Variants in AMPD1 observed in about 807,000 individuals in gnomAD.
The protein encoded by AMPD1 is adenosine monophosphate deaminase 1.
Under a neutral mutation model 82.9 loss-of-function variants are expected in AMPD1, and 74 were observed. The ratio of observed to expected loss-of-function variants is 0.89; its 90% CI spans 0.74 to 1.08. The LOEUF (loss-of-function observed/expected upper bound fraction) is 1.08. Among genes scored for constraint, AMPD1 ranks in the 50% least tolerant of loss-of-function variants. The pLI is 0.00. For missense variants in AMPD1, 881 were observed against 924.5 expected, an observed-to-expected ratio of 0.95 and a Z score of 0.61; for synonymous variants, 333 against 320.5, an observed-to-expected ratio of 1.04 and a Z score of -0.42.
rs564352895 is a variant in AMPD1 at position 114,681,311 on chromosome 1, C to T, written c.548-833G>A. Among the ~76,000 whole-genome samples the T allele has an allele frequency of 2.6e-5, 4 of 151,798 alleles. No individual in the cohort carries two copies. The South Asian group carries it at 8.3e-4, about 32-fold the overall frequency. ...ATAATTGAGTAGAAAATGCCGTTTCCAGGCTGGGCACAGTGACTCACGCCT... is the reference window on the plus strand; with the variant it reads ...ATAATTGAGTAGAAAATGCCGTTTCTAGGCTGGGCACAGTGACTCACGCCT... On this transcript the variant is annotated intron_variant, in intron 5 of 15. Transcript: ENST00000520113.
In AMPD1 at chr1:114,673,903, C is replaced by G; in HGVS notation, c.1974+6G>C. The G allele has an allele frequency of 1.2e-6, 2 of 1,613,752 alleles. No homozygotes were observed. The highest frequency in any genetic ancestry group is 1.7e-6 in the Non-Finnish European group (2 of 1,179,688). On this transcript the variant is annotated splice_donor_region_variant and intron_variant, in intron 14 of 15. Transcript: ENST00000520113. Reference sequence around the variant, plus strand: ...TATGCTTGTATTGCCCAAGTCCATACTATACCTTGGTAAAGTGGAATTGCA... The same window carrying G: ...TATGCTTGTATTGCCCAAGTCCATAGTATACCTTGGTAAAGTGGAATTGCA...
In AMPD1 at chr1:114,677,814, C is replaced by A. The variant is rs1384137501; in HGVS notation, c.1224+96G>T. Reference sequence around the variant, plus strand: ...CCCTCTCTCCCTCCTTCCTTCCTTCCTTCCTTCCTTCCTTCCTTCCTTCCT... The same window carrying A: ...CCCTCTCTCCCTCCTTCCTTCCTTCATTCCTTCCTTCCTTCCTTCCTTCCT... On this transcript the variant is annotated intron_variant, in intron 9 of 15. Transcript: ENST00000520113. 1.2e-5 allele frequency: 12 copies of A among 967,762 alleles called. No individual in the cohort carries two copies. The Admixed American group carries it at 2.2e-4, about 18-fold the overall frequency. 59.9% of individuals were successfully genotyped at this position (967,762 alleles called of 1,614,324 possible). A position where few individuals can be genotyped will look rare whatever the true frequency, so the allele number is the denominator to read the frequency against.
intron 5 of AMPD1, among the ~76,000 whole-genome samples, chr1:114,681,011 G>T (rs2101717253): frequency 6.6e-6 from 1 of 152,272 alleles, no homozygotes; most frequent in African/African-American, 2.4e-5. Context: ...GTGTAAGAAT[G>T]ATTTTTCAAG....
chr1:114,693,436 G>A lies in AMPD1; in HGVS notation c.34C>T (p.Gln12Ter), dbSNP rs17602729. Residue 12 changes from glutamine (Q) to a stop codon, truncating the protein, a stop_gained and splice_region_variant, in exon 2 of 16, where the codon CAA (glutamine) becomes TAA (stop). Transcript: ENST00000520113. LOFTEE classifies it high-confidence loss of function. The part of the protein sequence containing the change: ...PLFKLPAEEK[Q>*]IDDAMRNFAE... ...GCAGCAAAAGTAATGCAATACTCAC[G>A]TTTCTCTTCAGCTGTATGAAGTAAA... The A allele has an allele frequency of 0.11, 170,616 of 1,600,304 alleles. 10,624 individuals are homozygous for A. Among genetic ancestry groups the A allele is most frequent in the Non-Finnish European group, 0.13 (146,440 of 1,167,872 alleles).
In AMPD1 at chr1:114,675,535, C is replaced by T; in HGVS notation, c.1674G>A (p.Leu558=). The change falls in exon 12 of 16, where the codon CTG becomes CTA. Residue 558 remains leucine (L), a synonymous_variant. Coordinates refer to ENST00000520113, the MANE Select transcript of AMPD1 (RefSeq NM_000036.3). ...TCCAGCTGTCTCCTACTTACTTTCT[C>T]AGGCTGTTGAGCACCATGATGTTTG... The part of the protein sequence containing the change: ...MYANIMVLNS[L]RKERGMNTFL... The T allele has an allele frequency of 6.2e-7, 1 of 1,614,130 alleles. No individual in the cohort carries two copies. The highest frequency in any genetic ancestry group is 2.2e-5 in the East Asian group (1 of 44,876).
chr1:114,681,045 A>G (rs1252575781), intron 5 of AMPD1, among the ~76,000 whole-genome samples: 2 of 152,236 alleles, frequency 1.3e-5, no homozygotes, highest in Non-Finnish European at 2.9e-5. Flanking sequence ...CTATTTACAT[A>G]AAGTAATCGA....
chr1:114,682,703 G>C (rs558973459), intron 5 of AMPD1, among the ~76,000 whole-genome samples: 35 of 151,624 alleles, frequency 2.3e-4, no homozygotes, highest in South Asian at 6.3e-4. Flanking sequence ...CTCAGCCTCC[G>C]GAGTAGCTGG....
intron 15 of AMPD1, 93 bp from the exon 16 acceptor site, chr1:114,673,365 TTAGC>T: frequency 7.1e-7 from 1 of 1,411,574 alleles, no homozygotes; most frequent in Non-Finnish European, 9.9e-7. Context: ...CTTCCTTATG[TTAGC>T]CACTGACAAA....
intron 4 of AMPD1, among the ~76,000 whole-genome samples, chr1:114,684,819 A>T (rs778293324): frequency 1.9e-4 from 29 of 152,214 alleles, no homozygotes; most frequent in Non-Finnish European, 3.7e-4. Context: ...ATATTTTGGG[A>T]TGAATAAGGG....
intron 6 of AMPD1, 68 bp downstream of exon 6, chr1:114,680,191 G>A (rs1658113773): frequency 7.7e-7 from 1 of 1,304,058 alleles, no homozygotes; most frequent in Non-Finnish European, 1.1e-6. Context: ...ATCAGTAGAA[G>A]TAGTACTAGT....
chr1:114,676,009 G>C lies in AMPD1; in HGVS notation c.1389-6C>G, dbSNP rs1657971232. 6.2e-7 allele frequency: 1 copy of C among 1,613,636 alleles called. No homozygotes were observed. ...TCTTGGAACGGAACACATCACTAGAGGCAAGAATGAAGAGAATTTAGGAGA... is the reference window on the plus strand; with the variant it reads ...TCTTGGAACGGAACACATCACTAGACGCAAGAATGAAGAGAATTTAGGAGA... On this transcript the variant is annotated splice_region_variant and splice_polypyrimidine_tract_variant and intron_variant, in intron 10 of 15. Coordinates refer to ENST00000520113, the MANE Select transcript of AMPD1 (RefSeq NM_000036.3).
At chr1:114,687,067 G>A in intron 3 of AMPD1, 157 bp from the exon 4 acceptor site, 1 of 773,380 alleles carries the variant, frequency 1.3e-6, no homozygotes, top group South Asian at 1.5e-5. Context: ...ATAGTGGGAG[G>A]AGAAATCACT....
At chr1:114,676,042 A>T in intron 10 of AMPD1, 39 bp from the exon 11 acceptor site, 1 of 1,610,076 alleles carries the variant, frequency 6.2e-7, no homozygotes, top group South Asian at 1.1e-5. Flanking sequence ...AGAAAAAAAG[A>T]TTTTTAGGAC....
chr1:114,690,187 C>T (rs1658471841), intron 2 of AMPD1, among the ~76,000 whole-genome samples: 1 of 152,136 alleles, frequency 6.6e-6, no homozygotes. Context: ...TTAACACCTC[C>T]TACATCTTCC....
intron 4 of AMPD1, among the ~76,000 whole-genome samples, chr1:114,684,836 A>G (rs1416648076): frequency 6.6e-6 from 1 of 152,218 alleles, no homozygotes; most frequent in Non-Finnish European, 1.5e-5. Context: ...AGGGGTCACA[A>G]ATCTCTCAAA....
chr1:114,689,684 G>C (rs190634088), intron 2 of AMPD1, among the ~76,000 whole-genome samples: 102 of 152,296 alleles, frequency 6.7e-4, no homozygotes, highest in African/African-American at 2.3e-3. Context: ...GTGCATGGTA[G>C]TGCATGCCTG....
chr1:114,692,984 G>A (rs534613697), intron 2 of AMPD1, among the ~76,000 whole-genome samples: 2 of 151,612 alleles, frequency 1.3e-5, no homozygotes, highest in South Asian at 4.2e-4. Context: ...AATTAACCAG[G>A]TGTGGTGGTG....
chr1:114,677,799 C>CCTTCCTTCCTTTCT (rs1557969503), intron 9 of AMPD1, 111 bp downstream of exon 9: 1 of 508,814 alleles, frequency 2.0e-6, no homozygotes, highest in Non-Finnish European at 3.4e-6. Flanking sequence ...CCCTCTCTCC[C>CCTTCCTTCCTTTCT]TCCTTCCTTC....
intron 5 of AMPD1, 68 bp from the exon 6 acceptor site, chr1:114,680,546 A>C: frequency 1.5e-6 from 2 of 1,299,666 alleles, no homozygotes; most frequent in Non-Finnish European, 2.2e-6. Flanking sequence ...AATAACCAAA[A>C]TGTGAAATAC....
Sources: allele counts gnomAD v4.1 joint callset (sites outside exome capture counted in the v4.1 genomes callset), GRCh38; gene constraint gnomAD v4.1.1; transcripts MANE v1.5; gene names NCBI Gene and HGNC (gene_info 2026-07-23, HGNC 2026-07-21).